Variants in LPXN observed in about 807,000 individuals in gnomAD.
The protein encoded by LPXN is leupaxin.
LPXN carries 28 observed loss-of-function variants against 45.6 expected under a neutral mutation model. The observed-to-expected ratio is 0.61, with a 90% CI of 0.45 to 0.84. LPXN has a LOEUF of 0.84. Among genes scored for constraint, LPXN ranks in the 40% least tolerant of loss-of-function variants. The pLI is 0.00. For missense variants in LPXN, 459 were observed against 475.0 expected, an observed-to-expected ratio of 0.97 and a Z score of 0.31; for synonymous variants, 166 against 169.9, an observed-to-expected ratio of 0.98 and a Z score of 0.18.
chr11:58,540,439 G>C (rs1853681197), intron 7 of LPXN, among the ~76,000 whole-genome samples: 1 of 152,078 alleles, frequency 6.6e-6, no homozygotes, highest in African/African-American at 2.4e-5. Flanking sequence ...TTCTTAATTT[G>C]TTAAGCATAA....
chr11:58,567,088 G>A (rs139161690), intron 2 of LPXN, among the ~76,000 whole-genome samples: 10 of 152,066 alleles, frequency 6.6e-5, no homozygotes, highest in Admixed American at 2.6e-4. Context: ...ACAGAATACC[G>A]CAGCTTGTTT....
Position 58,527,459 on chromosome 11 carries a change from G to A in LPXN, c.1156C>T (p.Leu386=), listed in dbSNP as rs1253756032. 1 of 1,614,044 alleles carries A rather than the reference G, an allele frequency of 6.2e-7. No individual in the cohort carries two copies. The highest frequency in any genetic ancestry group is 1.3e-5 in the African/African-American group (1 of 74,906). Residue 386 remains leucine, a synonymous_variant, in exon 9 of 9, where the codon CTG becomes TTG. Coordinates refer to ENST00000395074, the MANE Select transcript of LPXN (RefSeq NM_004811.3). ...AGGCTATGGATCAGTTGGCATTACA[G>A]TGGGAAGAGCTTATTGAAGCAAGGT... ...CQPCFNKLFP[L]
chr11:58,535,999 G>T (rs1478416599), intron 7 of LPXN, among the ~76,000 whole-genome samples: 1 of 152,110 alleles, frequency 6.6e-6, no homozygotes, highest in Non-Finnish European at 1.5e-5. Flanking sequence ...ACTGTTCAAG[G>T]AAATAAAACA....
At chr11:58,551,357 G>T in intron 4 of LPXN, 125 bp from the exon 5 acceptor site, 2 of 706,622 alleles carry the variant, frequency 2.8e-6, no homozygotes, top group Non-Finnish European at 4.1e-6. Context: ...CTTCCTGCAA[G>T]ACATTGGAAA....
chr11:58,571,342 A>AAAAT (rs59215664), intron 1 of LPXN, among the ~76,000 whole-genome samples: 24,531 of 146,932 alleles, frequency 0.17, 2,180 homozygotes, highest in Middle Eastern at 0.24. Flanking sequence ...CCTGTCTCAA[A>AAAAT]AAATAAATAA....
At chr11:58,561,393 C>A (rs1416500875) in intron 3 of LPXN, among the ~76,000 whole-genome samples, 4 of 152,088 alleles carry the variant, frequency 2.6e-5, no homozygotes, top group Non-Finnish European at 4.4e-5. Context: ...AAATGGATAT[C>A]TCTTAAGATA....
At chr11:58,568,655 G>T (rs1565204780) in intron 2 of LPXN, among the ~76,000 whole-genome samples, 1 of 151,918 alleles carries the variant, frequency 6.6e-6, no homozygotes, top group African/African-American at 2.4e-5. Context: ...TACGCTGCTA[G>T]ATGAGACCAT....
chr11:58,529,860 G>A (rs535552194), intron 7 of LPXN, among the ~76,000 whole-genome samples: 27 of 152,244 alleles, frequency 1.8e-4, no homozygotes, highest in African/African-American at 6.0e-4. Flanking sequence ...GAGACTGATC[G>A]GACAGTGGGT....
chr11:58,570,266 G>A (rs1025711523), intron 2 of LPXN, among the ~76,000 whole-genome samples: 1 of 150,302 alleles, frequency 6.7e-6, no homozygotes, highest in African/African-American at 2.5e-5. Context: ...TTGTGCCACT[G>A]CACTCCAGCC....
chr11:58,528,104 A>C lies in LPXN; in HGVS notation c.830T>G (p.Val277Gly), dbSNP rs781723726. The C allele has an allele frequency of 2.5e-6, 4 of 1,614,246 alleles. No individual in the cohort carries two copies. The highest frequency in any genetic ancestry group is 3.4e-6 in the Non-Finnish European group (4 of 1,180,042). The change falls in exon 8 of 9, where the codon GTG (valine) becomes GGG (glycine). Residue 277 changes from valine to glycine, a missense_variant. Physicochemically the swap from Val to Gly is moderately radical, Grantham distance 109. Coordinates refer to ENST00000395074, the MANE Select transcript of LPXN (RefSeq NM_004811.3). ...CATGGCTGAAAGGTAGTTTTCCAACACTGGGCGATTGCAGCCACCACACTT... is the reference window on the plus strand; with the variant it reads ...CATGGCTGAAAGGTAGTTTTCCAACCCTGGGCGATTGCAGCCACCACACTT... ...SPKCGGCNRP[V>G]LENYLSAMDT... is the part of the protein sequence containing the mutation.
chr11:58,535,480 T>A (rs945673009), intron 7 of LPXN, among the ~76,000 whole-genome samples: 16 of 152,168 alleles, frequency 1.1e-4, no homozygotes, highest in Middle Eastern at 3.2e-3. Flanking sequence ...CCCTTCATGA[T>A]AAAATCTCTT....
chr11:58,533,767 T>C (rs139892517), intron 7 of LPXN, among the ~76,000 whole-genome samples: 2,374 of 152,082 alleles, frequency 0.016, 60 homozygotes, highest in African/African-American at 0.054. Flanking sequence ...TGTGCTGTAT[T>C]CAGGAGACCC....
intron 7 of LPXN, among the ~76,000 whole-genome samples, chr11:58,530,089 TC>T (rs1311892372): frequency 1.3e-5 from 2 of 152,224 alleles, no homozygotes. Flanking sequence ...GCCCTGGGTT[TC>T]AAGCACAAAA....
intron 7 of LPXN, among the ~76,000 whole-genome samples, chr11:58,535,751 G>T (rs145396584): frequency 0.01 from 1,595 of 152,310 alleles, 12 homozygotes; most frequent in Non-Finnish European, 0.016. Context: ...CAGATGACAT[G>T]ATTGTATATT....
At chr11:58,561,446 C>T (rs1401680111) in intron 3 of LPXN, among the ~76,000 whole-genome samples, 1 of 152,106 alleles carries the variant, frequency 6.6e-6, no homozygotes, top group Non-Finnish European at 1.5e-5. Flanking sequence ...CTACTAGATG[C>T]AAGATTTTTT....
intron 7 of LPXN, among the ~76,000 whole-genome samples, chr11:58,531,590 C>T (rs986118202): frequency 1.3e-5 from 2 of 152,060 alleles, no homozygotes; most frequent in Non-Finnish European, 2.9e-5. Context: ...GACTGGTGTA[C>T]CTGAAAGTTA....
rs147526986 is a variant in LPXN, at chr11:58,570,418, G to A, written c.171+138C>T. ...CTTCCTCTTTCCAAAAACATCTTTA[G>A]ATTAACATTGAGGCATTATTTTTTC... On this transcript the variant is annotated intron_variant, in intron 2 of 8. Transcript: ENST00000395074. The A allele has an allele frequency of 3.1e-5, 17 of 545,482 alleles. No homozygotes were observed. The African/African-American group carries it at 3.3e-4, about 10-fold the overall frequency. 33.8% of individuals were successfully genotyped at this position (545,482 alleles called of 1,614,324 possible).
chr11:58,565,985 G>T (rs927590337), intron 2 of LPXN, among the ~76,000 whole-genome samples: 8 of 152,228 alleles, frequency 5.3e-5, no homozygotes, highest in African/African-American at 1.9e-4. Context: ...GCAACAGAGT[G>T]ACACTCTGTC....
At chr11:58,534,733 G>A (rs1237700099) in intron 7 of LPXN, among the ~76,000 whole-genome samples, 2 of 152,112 alleles carry the variant, frequency 1.3e-5, no homozygotes, top group Middle Eastern at 6.3e-3. Context: ...GAATCCCGGA[G>A]GTGGTTTTTT....
Sources: gnomAD v4.1 joint callset for allele counts (sites outside exome capture counted in the v4.1 genomes callset) on GRCh38, gnomAD v4.1.1 for gene constraint, MANE v1.5 for transcripts, NCBI Gene and HGNC (gene_info 2026-07-23, HGNC 2026-07-21) for gene names.